Variants in NDST4 observed in about 807,000 individuals in gnomAD.
NDST4 encodes N-heparan sulfate sulfotransferase 4.
Under a neutral mutation model 100.8 loss-of-function variants are expected in NDST4, and 63 were observed. That is an observed-to-expected ratio of 0.62 (90% confidence interval 0.51 to 0.77). NDST4 has a LOEUF of 0.77. Among genes scored for constraint, NDST4 ranks in the 30% least tolerant of loss-of-function variants. The pLI, the probability that NDST4 is intolerant of heterozygous loss-of-function variation, is 0.00. For synonymous variants in NDST4, 377 were observed against 361.8 expected (o/e 1.04, Z -0.48); for missense variants, 943 against 1,018.4 (o/e 0.93, Z 1.01).
intron 6 of NDST4, among the ~76,000 whole-genome samples, chr4:114,881,009 T>C (rs569531484): frequency 6.6e-6 from 1 of 152,232 alleles, no homozygotes; most frequent in South Asian, 2.1e-4. Context: ...CTAAAAGTTA[T>C]ACAATGTGGT....
chr4:114,981,807 A>G (rs1457220342), intron 2 of NDST4, among the ~76,000 whole-genome samples: 1 of 152,162 alleles, frequency 6.6e-6, no homozygotes, highest in Non-Finnish European at 1.5e-5. Context: ...AGTCATGTGC[A>G]TATTCACATT....
chr4:114,859,487 G>A lies in NDST4; in HGVS notation c.1720-6666C>T, dbSNP rs570738335. On this transcript the variant is annotated intron_variant, in intron 7 of 13. Coordinates refer to ENST00000264363, the MANE Select transcript of NDST4 (RefSeq NM_022569.3). The stretch of plus-strand genomic sequence containing the variant: ...GTGAACATAACAAATGAAACTGAGC[G>A]TGTACAGAGTAGAGTGTGGTGGAAG... Among the ~76,000 whole-genome samples, 10 of 152,250 alleles carry A rather than the reference G, an allele frequency of 6.6e-5. No homozygotes were observed. In the South Asian group the frequency reaches 1.5e-3, roughly 22 times the overall value.
intron 6 of NDST4, among the ~76,000 whole-genome samples, chr4:114,890,336 A>C (rs144026885): frequency 1.3e-5 from 2 of 152,252 alleles, no homozygotes; most frequent in Non-Finnish European, 2.9e-5. Context: ...GAATATAAAT[A>C]AAATATTAGA....
intron 2 of NDST4, among the ~76,000 whole-genome samples, chr4:114,980,863 A>G (rs533786310): frequency 9.2e-5 from 14 of 152,284 alleles, no homozygotes; most frequent in Non-Finnish European, 1.6e-4. Context: ...TATTATTTTA[A>G]TAAACATAAC....
At chr4:114,915,737 T>C (rs1232349215) in intron 6 of NDST4, among the ~76,000 whole-genome samples, 1 of 152,124 alleles carries the variant, frequency 6.6e-6, no homozygotes, top group East Asian at 1.9e-4. Flanking sequence ...GACAGTGTAA[T>C]ATTACTACAT....
At position 115,013,370 on chromosome 4, in the gene NDST4, T is replaced by TATATATATATATATATACAC. The variant is rs74678897; in HGVS notation, c.979-36097_979-36096insGTGTATATATATATATATAT. Among the ~76,000 whole-genome samples, 264 of 71,422 alleles carry TATATATATATATATATACAC rather than the reference T, an allele frequency of 3.7e-3. 2 individuals are homozygous for TATATATATATATATATACAC. Among genetic ancestry groups the TATATATATATATATATACAC allele is most frequent in the Non-Finnish European group, 6.2e-3 (193 of 31,102 alleles). 46.9% of individuals were successfully genotyped at this position (71,422 alleles called of 152,430 possible). A position where few individuals can be genotyped will look rare whatever the true frequency, so the allele number is the denominator to read the frequency against. Reference sequence around the variant, plus strand: ...CCATATATATATATATATATATATATACACACACATACATACCTAATATGT... The same window carrying TATATATATATATATATACAC: ...CCATATATATATATATATATATATATATATATATATATATATACACACACACACATACATACCTAATATGT... On this transcript the variant is annotated intron_variant, in intron 2 of 13. Transcript: ENST00000264363.
At position 114,951,222 on chromosome 4, in the gene NDST4, T is replaced by G. The variant is rs539202450; in HGVS notation, c.1222-13719A>C. On this transcript the variant is annotated intron_variant, in intron 4 of 13. Coordinates refer to ENST00000264363, the MANE Select transcript of NDST4 (RefSeq NM_022569.3). Reference sequence around the variant, plus strand: ...ACATGAATGAACACTTTAATTAATTTTTTCACTTTTTAAAATACAATTTTT... The same window carrying G: ...ACATGAATGAACACTTTAATTAATTGTTTCACTTTTTAAAATACAATTTTT... Among the ~76,000 whole-genome samples, 10 of 152,224 alleles carry G rather than the reference T, an allele frequency of 6.6e-5. No individual in the cohort carries two copies. The East Asian group carries it at 1.7e-3, about 26-fold the overall frequency.
At chr4:114,945,658 G>A (rs986241975) in intron 4 of NDST4, among the ~76,000 whole-genome samples, 1 of 152,164 alleles carries the variant, frequency 6.6e-6, no homozygotes, top group South Asian at 2.1e-4. Flanking sequence ...TTAAAGTGCT[G>A]GTTTCTTCTC....
chr4:115,030,304 G>A (rs1342963529), intron 2 of NDST4, among the ~76,000 whole-genome samples: 5 of 152,044 alleles, frequency 3.3e-5, no homozygotes, highest in African/African-American at 1.2e-4. Context: ...ATTAGAAGTG[G>A]TATCCATTTG....
chr4:114,873,250 A>T (rs1175827517), intron 6 of NDST4, among the ~76,000 whole-genome samples: 4 of 151,644 alleles, frequency 2.6e-5, no homozygotes, highest in Middle Eastern at 3.2e-3. Flanking sequence ...TAGATATTTT[A>T]AAAATATTAT....
chr4:115,084,206 G>A (rs1315258519), intron 1 of NDST4, among the ~76,000 whole-genome samples: 2 of 152,220 alleles, frequency 1.3e-5, no homozygotes, highest in African/African-American at 4.8e-5. Flanking sequence ...TTCTTGCTAT[G>A]CTTTAGCAAA....
chr4:114,849,395 A>G (rs1723624553), intron 8 of NDST4, among the ~76,000 whole-genome samples: 1 of 152,258 alleles, frequency 6.6e-6, no homozygotes, highest in Non-Finnish European at 1.5e-5. Flanking sequence ...GACAAGCTAC[A>G]TAGGTGGGCT....
intron 10 of NDST4, chr4:114,842,618 TAAAAAAAAAAAA>T (rs71584042): frequency 0.033 from 1,368 of 41,124 alleles, 60 homozygotes; most frequent in African/African-American, 0.13. Context: ...CAGTCTCTAC[TAAAAAAAAAAAA>T]AAAAAAAAAA....
At chr4:115,062,122 A>C (rs1229750501) in intron 2 of NDST4, among the ~76,000 whole-genome samples, 1 of 152,016 alleles carries the variant, frequency 6.6e-6, no homozygotes, top group Non-Finnish European at 1.5e-5. Flanking sequence ...AGAAAACAAA[A>C]ATGAACAACA....
At chr4:114,868,290 A>C (rs1468903589) in intron 7 of NDST4, among the ~76,000 whole-genome samples, 1 of 152,164 alleles carries the variant, frequency 6.6e-6, no homozygotes, top group Non-Finnish European at 1.5e-5. Flanking sequence ...TGAATGGGCC[A>C]TAAAAAACCT....
rs141601671 is a variant in NDST4 at position 115,013,604 on chromosome 4, C to T, written c.979-36330G>A. ...TTTCTGTGGTCCACCACTCAGAGTACGGGCTTATGGAGGTCAGGTGATCAA... is the reference window on the plus strand; with the variant it reads ...TTTCTGTGGTCCACCACTCAGAGTATGGGCTTATGGAGGTCAGGTGATCAA... On this transcript the variant is annotated intron_variant, in intron 2 of 13. Transcript: ENST00000264363. Among the ~76,000 whole-genome samples, 731 of 151,692 alleles carry T rather than the reference C, an allele frequency of 4.8e-3. 11 individuals are homozygous for T. The highest frequency in any genetic ancestry group is 0.017 in the Middle Eastern group (5 of 294).
In NDST4 at chr4:114,897,578, T is replaced by C. The variant is rs971927316; in HGVS notation, c.1537-26628A>G. 2.0e-5 allele frequency among the ~76,000 whole-genome samples: 3 copies of C among 152,312 alleles called. No homozygotes were observed. The East Asian group carries it at 5.8e-4, about 29-fold the overall frequency. On this transcript the variant is annotated intron_variant, in intron 6 of 13. Coordinates refer to ENST00000264363, the MANE Select transcript of NDST4 (RefSeq NM_022569.3). ...TTGTGTGGACAAAAATTTTCAGCTT[T>C]CACTGGTAAATATCAAGCAGCATGA...
At chr4:114,854,635 A>AT (rs1054246302) in intron 7 of NDST4, among the ~76,000 whole-genome samples, 8 of 152,040 alleles carry the variant, frequency 5.3e-5, no homozygotes, top group African/African-American at 1.9e-4. Flanking sequence ...CACCCGGCTA[A>AT]TTTTTTGTAT....
chr4:114,873,553 T>G (rs1724195242), intron 6 of NDST4, among the ~76,000 whole-genome samples: 1 of 152,006 alleles, frequency 6.6e-6, no homozygotes, highest in African/African-American at 2.4e-5. Context: ...TGTCCCAATC[T>G]CTCACTCTTG....
Sources: gnomAD v4.1 joint callset for allele counts (sites outside exome capture counted in the v4.1 genomes callset) on GRCh38, gnomAD v4.1.1 for gene constraint, MANE v1.5 for transcripts, NCBI Gene and HGNC (gene_info 2026-07-23, HGNC 2026-07-21) for gene names.